Variants in GRIA4 observed in about 807,000 individuals in gnomAD.
GRIA4 encodes the protein glutamate ionotropic receptor AMPA type subunit 4, also known as glutamate receptor 4.
GRIA4 carries 34 observed loss-of-function variants against 104.0 expected under a neutral mutation model. The observed-to-expected ratio is 0.33, with a 90% CI of 0.25 to 0.44. GRIA4 has a LOEUF of 0.44. GRIA4 is among the 20% of genes least tolerant of loss of function. The pLI, the probability that GRIA4 is intolerant of heterozygous loss-of-function variation, is 1.00. For synonymous variants in GRIA4, 386 were observed against 381.9 expected, an observed-to-expected ratio of 1.01 and a Z score of -0.13; for missense variants, 750 against 1,096.5, an observed-to-expected ratio of 0.68 and a Z score of 4.46.
intron 3 of GRIA4, among the ~76,000 whole-genome samples, chr11:105,642,792 C>A (rs1951409006): frequency 1.3e-5 from 2 of 152,090 alleles, no homozygotes; most frequent in Admixed American, 6.6e-5. Context: ...CCCCACATAC[C>A]ATAACTATTC....
intron 4 of GRIA4, among the ~76,000 whole-genome samples, chr11:105,767,797 T>C (rs1460515694): frequency 6.6e-6 from 1 of 152,052 alleles, no homozygotes; most frequent in Non-Finnish European, 1.5e-5. Context: ...CCCATAGAGA[T>C]TAAAAACCTC....
chr11:105,936,927 T>C (rs1187277603), intron 14 of GRIA4, among the ~76,000 whole-genome samples: 1 of 152,210 alleles, frequency 6.6e-6, no homozygotes, highest in Non-Finnish European at 1.5e-5. Context: ...ACCACTGATC[T>C]ATCACTTACT....
At chr11:105,719,773 T>A (rs1591134804) in intron 3 of GRIA4, among the ~76,000 whole-genome samples, 1 of 151,164 alleles carries the variant, frequency 6.6e-6, no homozygotes. Context: ...AAGTCAATGA[T>A]TGGGAAAAAA....
intron 3 of GRIA4, among the ~76,000 whole-genome samples, chr11:105,657,664 T>G (rs1191552785): frequency 6.6e-6 from 1 of 151,880 alleles, no homozygotes; most frequent in Non-Finnish European, 1.5e-5. Flanking sequence ...CCTTGGAAAA[T>G]CAGATTAGAT....
At chr11:105,809,162 A>C (rs2135863055) in intron 4 of GRIA4, among the ~76,000 whole-genome samples, 1 of 152,240 alleles carries the variant, frequency 6.6e-6, no homozygotes, top group Non-Finnish European at 1.5e-5. Context: ...TAAAATTTTA[A>C]AATAAAAAAA....
chr11:105,875,360 T>C (rs1026495816), intron 5 of GRIA4, among the ~76,000 whole-genome samples: 2 of 152,216 alleles, frequency 1.3e-5, no homozygotes, highest in African/African-American at 2.4e-5. Flanking sequence ...ATCAGGGATA[T>C]TGGCCTGAAA....
At chr11:105,915,646 T>C (rs1947376797) in intron 10 of GRIA4, among the ~76,000 whole-genome samples, 1 of 152,212 alleles carries the variant, frequency 6.6e-6, no homozygotes, top group African/African-American at 2.4e-5. Flanking sequence ...AAGGTTTTTA[T>C]CTACACTGTT....
chr11:105,906,058 T>A (rs748883587), intron 9 of GRIA4, among the ~76,000 whole-genome samples: 1 of 152,166 alleles, frequency 6.6e-6, no homozygotes, highest in Non-Finnish European at 1.5e-5. Context: ...CAAGTTAACC[T>A]TATCTAAAAG....
At chr11:105,689,902 C>A (rs1953024139) in intron 3 of GRIA4, among the ~76,000 whole-genome samples, 2 of 152,106 alleles carry the variant, frequency 1.3e-5, no homozygotes, top group African/African-American at 2.4e-5. Flanking sequence ...CTGGGAAGCA[C>A]GATTATTTCT....
chr11:105,949,688 T>C (rs896620175), intron 14 of GRIA4, among the ~76,000 whole-genome samples: 3 of 152,046 alleles, frequency 2.0e-5, no homozygotes, highest in Non-Finnish European at 4.4e-5. Context: ...AGTCAGTGAG[T>C]GATTACTGGA....
chr11:105,689,151 G>C (rs777578495), intron 3 of GRIA4, among the ~76,000 whole-genome samples: 19 of 152,250 alleles, frequency 1.2e-4, no homozygotes, highest in Non-Finnish European at 2.1e-4. Context: ...ATGTTAAGTA[G>C]TTTAGCAATT....
At chr11:105,793,444 A>T (rs562246171) in intron 4 of GRIA4, among the ~76,000 whole-genome samples, 1 of 152,308 alleles carries the variant, frequency 6.6e-6, no homozygotes, top group Non-Finnish European at 1.5e-5. Context: ...AGACCCATAG[A>T]ATCCCACAGC....
At chr11:105,935,540 G>C (rs1030571331) in intron 14 of GRIA4, among the ~76,000 whole-genome samples, 1 of 152,138 alleles carries the variant, frequency 6.6e-6, no homozygotes, top group African/African-American at 2.4e-5. Context: ...AATCTCTGTT[G>C]AAGGCGTGGT....
intron 16 of GRIA4, among the ~76,000 whole-genome samples, chr11:105,976,637 A>T (rs1477586581): frequency 6.6e-6 from 1 of 152,052 alleles, no homozygotes; most frequent in East Asian, 1.9e-4. Context: ...CTATGACCAT[A>T]ATTATGGAAA....
chr11:105,841,674 C>T (rs1181038092), intron 4 of GRIA4, among the ~76,000 whole-genome samples: 2 of 152,104 alleles, frequency 1.3e-5, no homozygotes, highest in Admixed American at 1.3e-4. Context: ...GTCATCCTGA[C>T]TTGTTAAAAT....
At chr11:105,780,478 C>G (rs1941677656) in intron 4 of GRIA4, among the ~76,000 whole-genome samples, 1 of 152,100 alleles carries the variant, frequency 6.6e-6, no homozygotes, top group Non-Finnish European at 1.5e-5. Flanking sequence ...ATTTAGCTCA[C>G]ATTTCACATT....
chr11:105,972,612 T>C (rs1410564431), intron 15 of GRIA4, among the ~76,000 whole-genome samples: 2 of 152,172 alleles, frequency 1.3e-5, no homozygotes, highest in Non-Finnish European at 2.9e-5. Flanking sequence ...TTATGAATAA[T>C]ATTCTCAAGT....
chr11:105,806,193 A>G (rs565753174), intron 4 of GRIA4, among the ~76,000 whole-genome samples: 1 of 152,046 alleles, frequency 6.6e-6, no homozygotes, highest in East Asian at 1.9e-4. Context: ...ACAAAATGAC[A>G]ATAAAAAAGA....
In GRIA4 at chr11:105,642,954, C is replaced by T. The variant is rs993953893; in HGVS notation, c.247+30520C>T. 1.5e-4 allele frequency among the ~76,000 whole-genome samples: 23 copies of T among 152,100 alleles called. 1 individual carries two copies. Among genetic ancestry groups the T allele is most frequent in the African/African-American group, 4.1e-4 (17 of 41,410 alleles). On this transcript the variant is annotated intron_variant, in intron 3 of 16. Transcript: ENST00000282499. ...GGGGAGGCCTCAGGAAACTTACAGT[C>T]ATGGCAAAAGGAAAGCAAACACAAC...
Sources: gnomAD v4.1 joint callset for allele counts (sites outside exome capture counted in the v4.1 genomes callset) on GRCh38, gnomAD v4.1.1 for gene constraint, MANE v1.5 for transcripts, NCBI Gene and HGNC (gene_info 2026-07-23, HGNC 2026-07-21) for gene names.